Variants in COL22A1 observed in about 807,000 individuals in gnomAD.
COL22A1 encodes collagen type XXII alpha 1 chain.
A neutral mutation model predicts 248.9 loss-of-function variants in COL22A1; 221 were observed. The ratio of observed to expected loss-of-function variants is 0.89; its 90% confidence interval spans 0.80 to 0.99. The LOEUF (loss-of-function observed/expected upper bound fraction) is 0.99. COL22A1 is among the 50% of genes least tolerant of loss of function. The probability of loss-of-function intolerance (pLI) is 0.00; values close to 1 mark genes in which losing one functional copy is unlikely to be tolerated. For missense variants in COL22A1, 2,240 were observed against 2,179.0 expected (o/e 1.03, Z -0.56); for synonymous variants, 891 against 793.4 (o/e 1.12, Z -2.07).
chr8:138,600,359 C>T (rs371592392), intron 60 of COL22A1, among the ~76,000 whole-genome samples: 8 of 152,130 alleles, frequency 5.3e-5, no homozygotes, highest in East Asian at 3.9e-4. Flanking sequence ...TGGCTGAGAA[C>T]GTGACCCAGA....
intron 18 of COL22A1, among the ~76,000 whole-genome samples, chr8:138,757,125 A>C (rs906522674): frequency 3.3e-5 from 5 of 152,154 alleles, no homozygotes; most frequent in African/African-American, 9.7e-5. Context: ...CCCTGCAGGC[A>C]CTTCCAGGAC....
In COL22A1 at chr8:138,607,992, G is replaced by C; in HGVS notation, c.3979-3C>G. Reference sequence around the variant, plus strand: ...GATCCCGGTGATCCATTCTTGCCCTGGTGGAAGAAACAGAGGTAATCATCC... The same window carrying C: ...GATCCCGGTGATCCATTCTTGCCCTCGTGGAAGAAACAGAGGTAATCATCC... On this transcript the variant is annotated splice_region_variant and splice_polypyrimidine_tract_variant and intron_variant, in intron 56 of 64. Transcript: ENST00000303045. The C allele has an allele frequency of 6.2e-7, 1 of 1,613,884 alleles. No individual in the cohort carries two copies. The highest frequency in any genetic ancestry group is 1.3e-5 in the African/African-American group (1 of 75,018).
intron 25 of COL22A1, among the ~76,000 whole-genome samples, chr8:138,723,324 T>C (rs1201548681): frequency 6.6e-6 from 1 of 152,102 alleles, no homozygotes. Flanking sequence ...GCAGGTGTCC[T>C]GGAAGCCAAG....
chr8:138,636,786 C>T lies in COL22A1; in HGVS notation c.3511G>A (p.Gly1171Arg), dbSNP rs752604743. ...ACCTCACCATCTGCACCACGTTCTC[C>T]TTGACTTCCCTTGAAAGGAAAAAAA... ...PGIAGPQGSQ[G>R]ERGADGEVGQ... The change falls in exon 48 of 65, where the codon GGA (glycine) becomes AGA (arginine). Residue 1171 changes from glycine to arginine, a missense_variant. Physicochemically the swap from Gly to Arg is moderately radical, Grantham distance 125. Coordinates refer to ENST00000303045, the MANE Select transcript of COL22A1 (RefSeq NM_152888.3). 4.6e-5 allele frequency: 74 copies of T among 1,612,800 alleles called. No homozygotes were observed. In the Middle Eastern group the frequency reaches 6.6e-4, roughly 14 times the overall value.
chr8:138,590,538 T>A (rs1323523976), intron 64 of COL22A1, among the ~76,000 whole-genome samples: 1 of 152,128 alleles, frequency 6.6e-6, no homozygotes, highest in East Asian at 1.9e-4. Context: ...TAAAAATAAA[T>A]ATTAATAATG....
chr8:138,724,441 A>G (rs945104833), intron 25 of COL22A1, among the ~76,000 whole-genome samples, 174 bp downstream of exon 25: 6 of 152,198 alleles, frequency 3.9e-5, no homozygotes, highest in African/African-American at 1.2e-4. Flanking sequence ...CACTAGCACG[A>G]GTGAGCCACC....
chr8:138,749,686 C>G (rs1368043978), intron 22 of COL22A1, among the ~76,000 whole-genome samples: 1 of 152,180 alleles, frequency 6.6e-6, no homozygotes, highest in Non-Finnish European at 1.5e-5. Flanking sequence ...CTGGAGAGAC[C>G]AGGTAACTTG....
rs771366608 is a variant in COL22A1, at chr8:138,780,939, G to C, written c.1638C>G (p.Ser546Arg). ...GLPGPPGRDGSKGMRGEPGEL... is the reference protein window; with the variant it reads ...GLPGPPGRDGRKGMRGEPGEL... ...GAACAGAACTTACTCTCATGCCTTT[G>C]CTGCCGTCTCTCCCAGGGGGGCCGG... The change falls in exon 13 of 65, where the codon AGC becomes AGG. Residue 546 changes from serine (S) to arginine (R), a missense_variant. Transcript: ENST00000303045. 4 of 1,613,376 alleles carry C rather than the reference G, an allele frequency of 2.5e-6. No homozygotes were observed. In the African/African-American group the frequency reaches 5.3e-5, roughly 22 times the overall value.
chr8:138,758,842 G>A (rs2131378633), intron 18 of COL22A1, among the ~76,000 whole-genome samples: 1 of 152,264 alleles, frequency 6.6e-6, no homozygotes, highest in Admixed American at 6.5e-5. Flanking sequence ...TAACTCAGCA[G>A]TTTCCCAAAT....
intron 5 of COL22A1, among the ~76,000 whole-genome samples, chr8:138,829,613 T>C (rs1255091960): frequency 6.6e-6 from 1 of 151,972 alleles, no homozygotes; most frequent in Non-Finnish European, 1.5e-5. Flanking sequence ...TAATTTTTTG[T>C]ATTTTTAGTA....
intron 3 of COL22A1, among the ~76,000 whole-genome samples, chr8:138,863,735 C>T (rs933066105): frequency 1.3e-5 from 2 of 152,110 alleles, no homozygotes; most frequent in Non-Finnish European, 2.9e-5. Flanking sequence ...CTCTGGTTAA[C>T]CCCTCTCTGA....
intron 16 of COL22A1, among the ~76,000 whole-genome samples, chr8:138,764,515 C>T (rs1465248512): frequency 6.6e-6 from 1 of 152,232 alleles, no homozygotes; most frequent in Non-Finnish European, 1.5e-5. Context: ...AGGGGTGTCC[C>T]AACCCTCTCT....
At chr8:138,754,059 A>G (rs1239401121) in intron 21 of COL22A1, among the ~76,000 whole-genome samples, 2 of 152,228 alleles carry the variant, frequency 1.3e-5, no homozygotes, top group African/African-American at 4.8e-5. Flanking sequence ...TCTCTGCACT[A>G]ATGTTTTCAT....
rs185666280 is a variant in COL22A1, at chr8:138,863,779, T to C, written c.658+13971A>G. 1.6e-4 allele frequency among the ~76,000 whole-genome samples: 24 copies of C among 152,316 alleles called. No homozygotes were observed. The East Asian group carries it at 4.2e-3, about 27-fold the overall frequency. ...ATGTAGGAGGCAGTGAGGTGGGGTC[T>C]AGATTCACTTATAATAGATAATCTA... On this transcript the variant is annotated intron_variant, in intron 3 of 64. Coordinates refer to ENST00000303045, the MANE Select transcript of COL22A1 (RefSeq NM_152888.3).
chr8:138,901,274 G>C (rs572735285), intron 1 of COL22A1, among the ~76,000 whole-genome samples: 1 of 151,430 alleles, frequency 6.6e-6, no homozygotes, highest in East Asian at 1.9e-4. Context: ...GGTGAGGAGT[G>C]AAAAGTCTCC....
chr8:138,760,882 G>C (rs76511610), intron 17 of COL22A1, among the ~76,000 whole-genome samples: 13 of 152,102 alleles, frequency 8.5e-5, no homozygotes, highest in African/African-American at 3.1e-4. Flanking sequence ...GCAGGAGCAG[G>C]GCGTGGGAGC....
intron 3 of COL22A1, among the ~76,000 whole-genome samples, chr8:138,870,559 C>T (rs114208122): frequency 0.024 from 3,558 of 150,782 alleles, 116 homozygotes; most frequent in African/African-American, 0.079. Flanking sequence ...GTATGTGGTG[C>T]GTGTGGTGTG....
rs1420150626 is a variant in COL22A1 at position 138,834,959 on chromosome 8, G to C, written c.734-1809C>G. 2.6e-5 allele frequency among the ~76,000 whole-genome samples: 4 copies of C among 152,298 alleles called. No individual in the cohort carries two copies. In the East Asian group the frequency reaches 7.7e-4, roughly 29 times the overall value. On this transcript the variant is annotated intron_variant, in intron 4 of 64. Coordinates refer to ENST00000303045, the MANE Select transcript of COL22A1 (RefSeq NM_152888.3). ...CCCCAGAAATAAGAAAATGCACAGT[G>C]CAAGTGTGCAATACAATTCCAGGCA...
At chr8:138,772,123 A>G (rs1047296944) in intron 16 of COL22A1, among the ~76,000 whole-genome samples, 1 of 152,056 alleles carries the variant, frequency 6.6e-6, no homozygotes. Context: ...CACATCGCCA[A>G]AAAGTCCCAT....
Sources: gnomAD v4.1 joint callset for allele counts (sites outside exome capture counted in the v4.1 genomes callset) on GRCh38, gnomAD v4.1.1 for gene constraint, MANE v1.5 for transcripts, NCBI Gene and HGNC (gene_info 2026-07-23, HGNC 2026-07-21) for gene names.